SOX6: variants seen among roughly 807,000 people sequenced by gnomAD.
The protein encoded by SOX6 is transcription factor SOX-6.
In SOX6, 11 loss-of-function variants were observed where a neutral mutation model predicts 97.8. That is an observed-to-expected ratio of 0.11 (90% CI 0.07 to 0.19). SOX6 has a LOEUF of 0.19. SOX6 is among the 10% of genes least tolerant of loss of function. The probability of loss-of-function intolerance (pLI) is 1.00; values close to 1 mark genes in which losing one functional copy is unlikely to be tolerated. For synonymous variants in SOX6, 360 were observed against 371.4 expected (o/e 0.97, Z 0.35); for missense variants, 810 against 1,039.5 (o/e 0.78, Z 3.04).
chr11:16,474,268 T>C (rs184994414), intron 1 of SOX6, among the ~76,000 whole-genome samples: 17 of 152,276 alleles, frequency 1.1e-4, no homozygotes, highest in African/African-American at 4.1e-4. Flanking sequence ...CCTCTTAATA[T>C]TGCTATTTTT....
intron 3 of SOX6, among the ~76,000 whole-genome samples, chr11:16,696,533 A>G (rs1004635100): frequency 6.6e-6 from 1 of 152,304 alleles, no homozygotes; most frequent in African/African-American, 2.4e-5. Flanking sequence ...AGTGAGTCAC[A>G]TGAATTTTTT....
chr11:16,202,399 C>A (rs749153890), intron 4 of SOX6, among the ~76,000 whole-genome samples: 2 of 152,058 alleles, frequency 1.3e-5, no homozygotes, highest in Non-Finnish European at 2.9e-5. Context: ...GAAAACTCAA[C>A]CAAATTTCTG....
intron 4 of SOX6, among the ~76,000 whole-genome samples, chr11:16,578,845 A>C: frequency 6.6e-6 from 1 of 152,158 alleles, no homozygotes; most frequent in East Asian, 1.9e-4. Flanking sequence ...GCAAGGCACC[A>C]GAACAGAGGA....
intron 4 of SOX6, among the ~76,000 whole-genome samples, chr11:16,203,519 CAA>C (rs1171648953): frequency 6.6e-6 from 1 of 152,078 alleles, no homozygotes; most frequent in Non-Finnish European, 1.5e-5. Flanking sequence ...AAACCAAAGA[CAA>C]GAGTTCCCAA....
In SOX6 at chr11:16,207,399, G is replaced by A. The variant is rs556163574; in HGVS notation, c.536-20444C>T. ...GGGCGGATCATGAGGTCAGGAGATC[G>A]AGACCATCCTGGCTAACACGGTGAA... On this transcript the variant is annotated intron_variant, in intron 4 of 15. Coordinates refer to ENST00000683767, the MANE Select transcript of SOX6 (RefSeq NM_001367873.1). 3.9e-5 allele frequency among the ~76,000 whole-genome samples: 6 copies of A among 152,078 alleles called. No homozygotes were observed. In the South Asian group the frequency reaches 6.2e-4, roughly 16 times the overall value.
rs536804210 is a variant in SOX6 at position 16,444,677 on chromosome 11, T to C, written c.-5+31638A>G. ...CTAAGAAAATGTGTCCTAAAGCAAG[T>C]TGTTATTATAGAATCATTCTGACAT... On this transcript the variant is annotated intron_variant, in intron 1 of 15. Coordinates refer to the SOX6 transcript ENST00000396356. 1.7e-4 allele frequency among the ~76,000 whole-genome samples: 26 copies of C among 152,328 alleles called. 1 individual carries two copies. In the East Asian group the frequency reaches 2.3e-3, roughly 14 times the overall value.
rs376730675 is a variant in SOX6 at position 16,656,215 on chromosome 11, T to C, written n.430-43955A>G. Among the ~76,000 whole-genome samples, 36 of 152,190 alleles carry C rather than the reference T, an allele frequency of 2.4e-4. No homozygotes were observed. In the East Asian group the frequency reaches 6.8e-3, roughly 29 times the overall value. On this transcript the variant is annotated intron_variant and non_coding_transcript_variant, in intron 3 of 5. Transcript: ENST00000524520. Reference sequence around the variant, plus strand: ...GCCTCAGCCTTCAGAGTAGCTGGGATTACAGGCACATGCCACCACGCCCAA... The same window carrying C: ...GCCTCAGCCTTCAGAGTAGCTGGGACTACAGGCACATGCCACCACGCCCAA...
chr11:16,520,677 T>G (rs1471125048), intron 4 of SOX6, among the ~76,000 whole-genome samples: 1 of 152,226 alleles, frequency 6.6e-6, no homozygotes, highest in African/African-American at 2.4e-5. Context: ...GGGCGAGGCA[T>G]GGCCTCACTC....
intron 9 of SOX6, among the ~76,000 whole-genome samples, chr11:16,093,424 G>A (rs1359056813): frequency 6.6e-6 from 1 of 151,912 alleles, no homozygotes; most frequent in Admixed American, 6.6e-5. Context: ...TATAAGGAGA[G>A]TCTTTCAATT....
At chr11:16,658,972 A>G (rs1056453215) in intron 3 of SOX6, among the ~76,000 whole-genome samples, 2 of 152,324 alleles carry the variant, frequency 1.3e-5, no homozygotes, top group Non-Finnish European at 1.5e-5. Context: ...TATTTTACAA[A>G]TATTTTCTCC....
chr11:16,541,670 T>C (rs1046520500), intron 4 of SOX6, among the ~76,000 whole-genome samples: 1 of 152,066 alleles, frequency 6.6e-6, no homozygotes, highest in Non-Finnish European at 1.5e-5. Context: ...AACAGACACT[T>C]CTCAAAAGAA....
chr11:16,198,116 C>T (rs1331680422), intron 4 of SOX6, among the ~76,000 whole-genome samples: 4 of 151,758 alleles, frequency 2.6e-5, no homozygotes, highest in African/African-American at 7.3e-5. Flanking sequence ...TGCAGTGGCT[C>T]GATCTTGGCT....
chr11:16,076,925 T>C (rs1466753873), intron 9 of SOX6, among the ~76,000 whole-genome samples: 3 of 150,948 alleles, frequency 2.0e-5, no homozygotes, highest in Non-Finnish European at 3.0e-5. Flanking sequence ...GGCTAATTTT[T>C]TGTATTTTTA....
At chr11:16,105,661 T>C (rs1358192204) in intron 7 of SOX6, among the ~76,000 whole-genome samples, 1 of 152,110 alleles carries the variant, frequency 6.6e-6, no homozygotes, top group Admixed American at 6.6e-5. Flanking sequence ...GACAATAATG[T>C]TCACTTTCAC....
chr11:16,530,842 T>C (rs1391710745), intron 4 of SOX6, among the ~76,000 whole-genome samples: 1 of 151,622 alleles, frequency 6.6e-6, no homozygotes, highest in Non-Finnish European at 1.5e-5. Flanking sequence ...ACGGATAGCC[T>C]GACTTAAGGT....
chr11:16,513,825 T>C (rs1183932634), intron 4 of SOX6, among the ~76,000 whole-genome samples: 1 of 152,178 alleles, frequency 6.6e-6, no homozygotes, highest in African/African-American at 2.4e-5. Context: ...ATGATTCTTA[T>C]TCCACAAATA....
At chr11:16,051,766 T>G (rs1480933485) in intron 10 of SOX6, among the ~76,000 whole-genome samples, 1 of 152,162 alleles carries the variant, frequency 6.6e-6, no homozygotes, top group Non-Finnish European at 1.5e-5. Context: ...TTGATCAAAT[T>G]TGGAACATTT....
chr11:16,153,150 C>A (rs989945617), intron 6 of SOX6, among the ~76,000 whole-genome samples: 1 of 151,746 alleles, frequency 6.6e-6, no homozygotes, highest in Admixed American at 6.6e-5. Flanking sequence ...CAGGCATGAG[C>A]CACCATGCCC....
chr11:16,543,380 T>C (rs557780779), intron 4 of SOX6, among the ~76,000 whole-genome samples: 1 of 151,072 alleles, frequency 6.6e-6, no homozygotes, highest in Non-Finnish European at 1.5e-5. Flanking sequence ...GGCAATGACA[T>C]AGGCCTTTTT....
Sources: gnomAD v4.1 joint callset for allele counts (sites outside exome capture counted in the v4.1 genomes callset) on GRCh38, gnomAD v4.1.1 for gene constraint, MANE v1.5 for transcripts, NCBI Gene and HGNC (gene_info 2026-07-23, HGNC 2026-07-21) for gene names.